The following ADRA1B variants were observed in gnomAD, a reference collection of about 807,000 sequenced individuals.
The protein encoded by ADRA1B is alpha-1B adrenergic receptor.
In ADRA1B, 17 loss-of-function variants were observed where a neutral mutation model predicts 17.9. The observed-to-expected ratio is 0.95, with a 90% CI of 0.65 to 1.42. The LOEUF is 1.42. ADRA1B is among the 40% of genes most tolerant of loss of function. The probability of loss-of-function intolerance (pLI) is 0.00; values close to 1 mark genes in which losing one functional copy is unlikely to be tolerated. For missense variants in ADRA1B, 681 were observed against 722.1 expected, an observed-to-expected ratio of 0.94 and a Z score of 0.65; for synonymous variants, 366 against 327.6, an observed-to-expected ratio of 1.12 and a Z score of -1.27.
At chr5:159,971,447 T>C (rs1480852553) in intron 1 of ADRA1B, among the ~76,000 whole-genome samples, 1 of 152,200 alleles carries the variant, frequency 6.6e-6, no homozygotes, top group Non-Finnish European at 1.5e-5. Context: ...CACCTTCTGT[T>C]TTCCACGGAA....
At chr5:159,935,738 G>C (rs572687081) in intron 1 of ADRA1B, among the ~76,000 whole-genome samples, 1 of 152,092 alleles carries the variant, frequency 6.6e-6, no homozygotes, top group Non-Finnish European at 1.5e-5. Flanking sequence ...GTAGAGACAG[G>C]GTTTCGCCAT....
intron 1 of ADRA1B, among the ~76,000 whole-genome samples, chr5:159,926,663 G>C (rs906834441): frequency 6.6e-6 from 1 of 152,072 alleles, no homozygotes; most frequent in Non-Finnish European, 1.5e-5. Context: ...GAGGCGGGCG[G>C]ATCACTTGAG....
chr5:159,869,197 A>G (rs1753704636), intron 1 of ADRA1B: 1 of 152,220 alleles, frequency 6.6e-6, no homozygotes, highest in Non-Finnish European at 1.5e-5. Flanking sequence ...AGGGTTACAG[A>G]GCTGAATACT....
intron 1 of ADRA1B, chr5:159,868,067 T>C (rs1753682392): frequency 6.6e-6 from 1 of 152,214 alleles, no homozygotes; most frequent in Admixed American, 6.5e-5. Flanking sequence ...CCATGTAATT[T>C]TAGGAAGATG....
intron 1 of ADRA1B, among the ~76,000 whole-genome samples, chr5:159,931,059 C>T (rs1250256181): frequency 6.9e-6 from 1 of 145,772 alleles, no homozygotes; most frequent in Non-Finnish European, 1.5e-5. Flanking sequence ...AATATATCTC[C>T]CGCTCTGTGA....
At chr5:159,910,451 C>T (rs1324577831) in intron 1 of ADRA1B, among the ~76,000 whole-genome samples, 1 of 152,224 alleles carries the variant, frequency 6.6e-6, no homozygotes, top group Non-Finnish European at 1.5e-5. Context: ...GACCCTGGCT[C>T]TACCTCAGAC....
the ADRA1B span, among the ~76,000 whole-genome samples, chr5:159,989,016 G>C: frequency 6.6e-6 from 1 of 152,156 alleles, no homozygotes; most frequent in Non-Finnish European, 1.5e-5. Context: ...AATTCTTTTG[G>C]ATATATGCCT....
At chr5:159,874,823 G>A (rs1370015433) in intron 1 of ADRA1B, among the ~76,000 whole-genome samples, 2 of 152,192 alleles carry the variant, frequency 1.3e-5, no homozygotes, top group African/African-American at 2.4e-5. Flanking sequence ...AGCAGTCCAG[G>A]CCTTCCCTAG....
At position 159,869,745 on chromosome 5, in the gene ADRA1B, T is replaced by G. The variant is rs924976862; in HGVS notation, c.-256+4539T>G. On this transcript the variant is annotated intron_variant, in intron 1 of 2. Transcript: ENST00000641205. ...AGCTGTGATACCTTGAACCAGTTAG[T>G]GTCCCTGTATCTCAGTCTCCTCATC... is the stretch of plus-strand genomic sequence containing the variant. The G allele has an allele frequency of 9.2e-5, 14 of 152,324 alleles. 1 individual carries two copies. The highest frequency in any genetic ancestry group is 2.6e-4 in the African/African-American group (11 of 41,578). The allele number at this position is 152,324 out of a possible 1,614,324, so 9.4% of individuals were successfully genotyped here. A position where few individuals can be genotyped will look rare whatever the true frequency, so the allele number is the denominator to read the frequency against.
intron 1 of ADRA1B, among the ~76,000 whole-genome samples, chr5:159,949,972 T>C (rs1324905779): frequency 6.6e-6 from 1 of 152,148 alleles, no homozygotes; most frequent in Non-Finnish European, 1.5e-5. Flanking sequence ...TCACAAGCAG[T>C]GGATCAGGGC....
intron 1 of ADRA1B, among the ~76,000 whole-genome samples, chr5:159,965,841 A>ATT (rs201439779): frequency 3.3e-5 from 5 of 150,824 alleles, no homozygotes; most frequent in African/African-American, 7.3e-5. Flanking sequence ...TTATTTATTT[A>ATT]TTTATTTATT....
At chr5:159,943,654 G>A (rs558496045) in intron 1 of ADRA1B, among the ~76,000 whole-genome samples, 71 of 152,078 alleles carry the variant, frequency 4.7e-4, no homozygotes, top group Admixed American at 1.1e-3. Flanking sequence ...AGATGATTGA[G>A]AATACTGTGT....
intron 1 of ADRA1B, among the ~76,000 whole-genome samples, chr5:159,904,863 T>A (rs1001650425): frequency 1.3e-5 from 2 of 152,238 alleles, no homozygotes; most frequent in African/African-American, 4.8e-5. Context: ...CAGTGCTCAA[T>A]AAATATCTGC....
At chr5:159,988,754 A>G in the ADRA1B span, among the ~76,000 whole-genome samples, 1 of 152,140 alleles carries the variant, frequency 6.6e-6, no homozygotes, top group African/African-American at 2.4e-5. Context: ...GAATGGGAGG[A>G]TCACTTGAGC....
upstream of ADRA1B, among the ~76,000 whole-genome samples, chr5:159,914,650 T>C (rs1301306327): frequency 6.6e-6 from 1 of 152,154 alleles, no homozygotes; most frequent in South Asian, 2.1e-4. Flanking sequence ...TGGGAGTAAA[T>C]TAAAACCTTC....
intron 1 of ADRA1B, among the ~76,000 whole-genome samples, chr5:159,954,504 T>C (rs1025935035): frequency 3.3e-5 from 5 of 152,264 alleles, no homozygotes; most frequent in Admixed American, 2.0e-4. Context: ...CAAATGGATT[T>C]TAGGAGGACA....
chr5:159,931,949 C>T (rs1754817311), intron 1 of ADRA1B, among the ~76,000 whole-genome samples: 1 of 152,216 alleles, frequency 6.6e-6, no homozygotes, highest in Admixed American at 6.5e-5. Context: ...GAGACACAAA[C>T]ATTCAGACCA....
chr5:159,945,955 G>C (rs932583624), intron 1 of ADRA1B, among the ~76,000 whole-genome samples: 1 of 152,148 alleles, frequency 6.6e-6, no homozygotes, highest in Non-Finnish European at 1.5e-5. Context: ...CACCATGTTA[G>C]CCAGGATGGT....
intron 1 of ADRA1B, among the ~76,000 whole-genome samples, chr5:159,898,521 A>G (rs1438384713): frequency 6.6e-6 from 1 of 152,276 alleles, no homozygotes; most frequent in African/African-American, 2.4e-5. Flanking sequence ...AGAATACATT[A>G]GAGGCTGTTA....
Sources: gnomAD v4.1 joint callset for allele counts (sites outside exome capture counted in the v4.1 genomes callset) on GRCh38, gnomAD v4.1.1 for gene constraint, MANE v1.5 for transcripts, NCBI Gene and HGNC (gene_info 2026-07-23, HGNC 2026-07-21) for gene names.